The following CIC variants were observed in gnomAD, a reference collection of about 807,000 sequenced individuals.
The protein encoded by CIC is capicua transcriptional repressor.
A neutral mutation model predicts 115.7 loss-of-function variants in CIC; 18 were observed. The observed-to-expected ratio is 0.16, with a 90% CI of 0.11 to 0.23. The LOEUF (loss-of-function observed/expected upper bound fraction) is 0.23, where lower values mean the gene tolerates loss of function less well. Ranked by LOEUF, CIC falls within the 10% of genes least tolerant of loss-of-function variation. CIC has a pLI of 1.00. For synonymous variants in CIC, 1,076 were observed against 923.0 expected, an observed-to-expected ratio of 1.17 and a Z score of -3.01; for missense variants, 2,000 against 2,159.3, an observed-to-expected ratio of 0.93 and a Z score of 1.46.
At chr19:42,284,124 T>C (rs2037417768) in intron 2 of CIC, 1 of 146,814 alleles carries the variant, frequency 6.8e-6, no homozygotes, top group Non-Finnish European at 1.5e-5. Flanking sequence ...GCACGCACGC[T>C]GGTCCGTCTG....
chr19:42,286,513 G>A (rs2037652502), intron 2 of CIC, among the ~76,000 whole-genome samples: 2 of 152,166 alleles, frequency 1.3e-5, no homozygotes, highest in East Asian at 3.9e-4. Context: ...AGGGCTGGTG[G>A]AGATTGGTGG....
intron 7 of CIC, 72 bp downstream of exon 7, chr19:42,288,047 C>G: frequency 6.6e-7 from 1 of 1,512,642 alleles, no homozygotes; most frequent in Non-Finnish European, 9.0e-7. Context: ...CCCTTGCTTG[C>G]TCCTCCCCTG....
intron 16 of CIC, 100 bp from the exon 17 acceptor site, chr19:42,293,492 G>T: frequency 6.3e-7 from 1 of 1,583,856 alleles, no homozygotes; most frequent in Admixed American, 1.7e-5. Flanking sequence ...GCCTTCTCAA[G>T]GGGTCTGCTG....
rs770599242 is a variant in CIC at position 42,287,985 on chromosome 19, C to A, written c.3658+10C>A. 6.3e-7 allele frequency: 1 copy of A among 1,580,424 alleles called. No homozygotes were observed. Among genetic ancestry groups the A allele is most frequent in the South Asian group, 1.2e-5 (1 of 86,422 alleles). On this transcript the variant is annotated intron_variant, in intron 7 of 20. Transcript: ENST00000681038. The surrounding 1 kb of genome is among the most constrained non-coding windows in gnomAD (Gnocchi z 8.7). ...GCTGCTGCCCCTGGGGGTTAGTCAG[C>A]CCCTTGGCTCTCCCACCCTGCCACC...
At chr19:42,288,405 G>A (rs571398924) in intron 7 of CIC, among the ~76,000 whole-genome samples, 4 of 152,298 alleles carry the variant, frequency 2.6e-5, no homozygotes, top group African/African-American at 7.2e-5. Context: ...ACTGCAGCTC[G>A]CAAACACCCC....
chr19:42,286,816 A>T lies in CIC; in HGVS notation c.2840A>T (p.His947Leu), dbSNP rs1868704170. ...EPRSVAVFPW[H>L]SLVPFLAPSQ... Reference sequence around the variant, plus strand: ...CGCTCTGTGGCTGTGTTCCCTTGGCACTCCTTAGTCCCCTTCCTGGCACCC... The same window carrying T: ...CGCTCTGTGGCTGTGTTCCCTTGGCTCTCCTTAGTCCCCTTCCTGGCACCC... Residue 947 changes from histidine to leucine, a missense_variant, in exon 3 of 21, where the codon CAC (histidine) becomes CTC (leucine). His to Leu is a moderately conservative substitution (Grantham distance 99). Coordinates refer to ENST00000681038, the MANE Select transcript of CIC (RefSeq NM_001386298.1). 6.2e-7 allele frequency: 1 copy of T among 1,613,032 alleles called. No homozygotes were observed. Among genetic ancestry groups the T allele is most frequent in the Non-Finnish European group, 8.5e-7 (1 of 1,179,694 alleles).
At chr19:42,271,431 G>A (rs1365450384) in intron 1 of CIC, among the ~76,000 whole-genome samples, 1 of 152,230 alleles carries the variant, frequency 6.6e-6, no homozygotes, top group Non-Finnish European at 1.5e-5. Flanking sequence ...ATAAAGGCAA[G>A]CTTAGCATGG....
In CIC at chr19:42,294,982, C is replaced by T. The variant is rs2147356744; in HGVS notation, c.7345C>T (p.Pro2449Ser). The stretch of plus-strand genomic sequence containing the variant: ...TGAGGCTCCTCTCCCTGTACCGCCC[C>T]CCACTGGCACCGCTGCTGCCCCTGC... Reference protein sequence around the residue: ...GAEAPLPVPPPTGTAAAPAPT... With the variant: ...GAEAPLPVPPSTGTAAAPAPT... Residue 2449 changes from proline (P) to serine (S), a missense_variant, in exon 21 of 21, where the codon CCC becomes TCC. By Grantham distance (74) the Pro-to-Ser change is moderately conservative (BLOSUM62 -1). Transcript: ENST00000681038. The T allele has an allele frequency of 1.3e-6, 2 of 1,599,222 alleles. No homozygotes were observed. Among genetic ancestry groups the T allele is most frequent in the Middle Eastern group, 1.7e-4 (1 of 6,046 alleles).
chr19:42,293,048 C>A lies in CIC; in HGVS notation c.6289C>A (p.Pro2097Thr), dbSNP rs941743794. Residue 2097 changes from proline to threonine, a missense_variant, in exon 16 of 21, where the codon CCC becomes ACC. Pro to Thr is a conservative substitution (Grantham distance 38, BLOSUM62 -1). Transcript: ENST00000681038. ...AGTGAAGGCAGCCATCGCCAGCATT[C>A]CCGTGGGGTCCTTTGAGGCAGGTGC... Reference protein sequence around the residue: ...QKVKAAIASIPVGSFEAGASG... With the variant: ...QKVKAAIASITVGSFEAGASG... 1 of 1,612,838 alleles carries A rather than the reference C, an allele frequency of 6.2e-7. No individual in the cohort carries two copies. Among genetic ancestry groups the A allele is most frequent in the Non-Finnish European group, 8.5e-7 (1 of 1,179,816 alleles).
chr19:42,290,392 T>G lies in CIC; in HGVS notation c.4351T>G (p.Ser1451Ala). The G allele has an allele frequency of 6.2e-7, 1 of 1,613,992 alleles. No individual in the cohort carries two copies. Among genetic ancestry groups the G allele is most frequent in the South Asian group, 1.1e-5 (1 of 91,084 alleles). The stretch of plus-strand genomic sequence containing the variant: ...CTCCTCTGCGTCCTCGCCTGCTTCC[T>G]CCTCAGCCTCGGCAGCCACCTCCTT... ...PSSSASSPAS[S>A]SASAATSFSL... is the part of the protein sequence containing the mutation. The change falls in exon 11 of 21, where the codon TCC (serine) becomes GCC (alanine). Residue 1451 changes from serine to alanine, a missense_variant. Ser to Ala is a moderately conservative substitution (Grantham distance 99). Coordinates refer to ENST00000681038, the MANE Select transcript of CIC (RefSeq NM_001386298.1).
rs767293276 is a variant in CIC at position 42,289,245 on chromosome 19, C to T, written c.3926C>T (p.Pro1309Leu). 3.7e-6 allele frequency: 6 copies of T among 1,613,678 alleles called. No individual in the cohort carries two copies. Among genetic ancestry groups the T allele is most frequent in the Non-Finnish European group, 5.1e-6 (6 of 1,180,030 alleles). ...KPSTQYGAPGPFAAPGEGGAL... is the reference protein window; with the variant it reads ...KPSTQYGAPGLFAAPGEGGAL... Reference sequence around the variant, plus strand: ...TCTACCCAGTATGGAGCTCCAGGACCCTTTGCAGCCCCTGGTGAGGGAGGT... The same window carrying T: ...TCTACCCAGTATGGAGCTCCAGGACTCTTTGCAGCCCCTGGTGAGGGAGGT... The change falls in exon 9 of 21, where the codon CCC becomes CTC. Residue 1309 changes from proline (P) to leucine (L), a missense_variant. Physicochemically the swap from Pro to Leu is moderately conservative, Grantham distance 98 (BLOSUM62 -3). This residue lies in a region of CIC where 1,466 missense variants were observed against 1,390.4 expected (regional missense o/e 1.05). Transcript: ENST00000681038.
rs2147189297 is a variant in CIC at position 42,287,375 on chromosome 19, C to T, written c.3235C>T (p.Arg1079Trp). ...IQLPLPPGKR[R>W]TQSLSALPKE... is the part of the protein sequence containing the mutation. The stretch of plus-strand genomic sequence containing the variant: ...GTTGCCTCTACCGCCCGGAAAACGT[C>T]GGACCCAGTCCCTCAGTGCCCTACC... The change falls in exon 5 of 21, where the codon CGG (arginine) becomes TGG (tryptophan). Residue 1079 changes from arginine to tryptophan, a missense_variant. Physicochemically the swap from Arg to Trp is moderately radical, Grantham distance 101. Around this residue, in one of 8 missense-constraint regions of CIC, gnomAD observed 222 missense variants for 247.7 expected, o/e 0.90. Transcript: ENST00000681038. This position sits in a 1 kb window ranked among gnomAD's most constrained non-coding sequence, Gnocchi z 8.7. 6.2e-7 allele frequency: 1 copy of T among 1,614,140 alleles called. No homozygotes were observed. Among genetic ancestry groups the T allele is most frequent in the Non-Finnish European group, 8.5e-7 (1 of 1,180,026 alleles).
intron 16 of CIC, 133 bp from the exon 17 acceptor site, chr19:42,293,459 G>C: frequency 6.7e-7 from 1 of 1,486,158 alleles, no homozygotes; most frequent in Non-Finnish European, 9.2e-7. Flanking sequence ...CCCCTGTCTT[G>C]GCCTTCCTGA....
chr19:42,294,692 C>T lies in CIC; in HGVS notation c.7143C>T (p.Ala2381=), dbSNP rs1350430859. ...GGCGCACCCTGGACCAGCGCCGGGC[C>T]CTGGTCATGCAGCTCTTTCAGGACC... is the stretch of plus-strand genomic sequence containing the variant. ...SLRRTLDQRR[A]LVMQLFQDHG... Residue 2381 remains alanine, a synonymous_variant, in exon 20 of 21, where the codon GCC becomes GCT. Transcript: ENST00000681038. The T allele has an allele frequency of 1.2e-6, 2 of 1,613,766 alleles. No homozygotes were observed. The highest frequency in any genetic ancestry group is 1.7e-6 in the Non-Finnish European group (2 of 1,180,006).
In CIC at chr19:42,293,038, C is replaced by T. The variant is rs768033538; in HGVS notation, c.6279C>T (p.Ile2093=). The part of the protein sequence containing the change: ...PKAPQKVKAA[I]ASIPVGSFEA... ...CCCCCCAGAAAGTGAAGGCAGCCAT[C>T]GCCAGCATTCCCGTGGGGTCCTTTG... Residue 2093 remains isoleucine (I), a synonymous_variant, in exon 16 of 21, where the codon ATC becomes ATT. Coordinates refer to ENST00000681038, the MANE Select transcript of CIC (RefSeq NM_001386298.1). The T allele has an allele frequency of 1.7e-5, 28 of 1,612,950 alleles. No individual in the cohort carries two copies. Among genetic ancestry groups the T allele is most frequent in the Admixed American group, 1.0e-4 (6 of 59,972 alleles).
rs1275085569 is a variant in CIC, at chr19:42,292,484, A to C, written c.5902+18A>C. On this transcript the variant is annotated intron_variant, in intron 14 of 20. Transcript: ENST00000681038. ...GCTCTCAGGTGAGGGGCGGCCTGGC[A>C]GGCAGTGCTGGGGACCCAGGGTGGG... The C allele has an allele frequency of 1.9e-6, 3 of 1,611,092 alleles. No individual in the cohort carries two copies. Among genetic ancestry groups the C allele is most frequent in the Non-Finnish European group, 2.5e-6 (3 of 1,179,022 alleles).
At chr19:42,281,704 A>AG (rs2037261951) in intron 2 of CIC, among the ~76,000 whole-genome samples, 1 of 152,154 alleles carries the variant, frequency 6.6e-6, no homozygotes, top group South Asian at 2.1e-4. Flanking sequence ...CGCCCAGGGC[A>AG]GGGGGGCCCT....
rs1353296779 is a variant in CIC at position 42,273,181 on chromosome 19, G to C, written c.1398G>C (p.Pro466=). Residue 466 remains proline, a synonymous_variant, in exon 2 of 21, where the codon CCG becomes CCC. Transcript: ENST00000681038. ...SVASLEKGTA[P]AARARTPLTA... ...CCTCCCTGGAAAAGGGGACAGCACC[G>C]GCAGCCCGGGCCCGCACGCCACTGA... The C allele has an allele frequency of 5.0e-6, 2 of 398,650 alleles. No individual in the cohort carries two copies. The highest frequency in any genetic ancestry group is 4.1e-5 in the African/African-American group (2 of 48,624). 24.7% of individuals were successfully genotyped at this position (398,650 alleles called of 1,614,324 possible). A position where few individuals can be genotyped will look rare whatever the true frequency, so the allele number is the denominator to read the frequency against.
rs745386114 is a variant in CIC at position 42,292,949 on chromosome 19, C to T, written c.6197-7C>T. ...CCTGGCTCAGCAAACAATTTTCTCC[C>T]CACTAGCAGGTTCCATGACCTACAG... is the stretch of plus-strand genomic sequence containing the variant. On this transcript the variant is annotated splice_region_variant and splice_polypyrimidine_tract_variant and intron_variant, in intron 15 of 20. Transcript: ENST00000681038. 1 of 1,613,904 alleles carries T rather than the reference C, an allele frequency of 6.2e-7. No individual in the cohort carries two copies. The highest frequency in any genetic ancestry group is 1.7e-5 in the Admixed American group (1 of 60,030).
Sources: allele counts gnomAD v4.1 joint callset (sites outside exome capture counted in the v4.1 genomes callset), GRCh38; gene constraint gnomAD v4.1.1; regional missense constraint gnomAD v4.1.1; non-coding constraint Gnocchi (gnomAD v3.1); transcripts MANE v1.5; gene names NCBI Gene and HGNC (gene_info 2026-07-23, HGNC 2026-07-21).